DNAI7: variants seen among roughly 807,000 people sequenced by gnomAD.
DNAI7 encodes the protein cancer susceptibility 1.
A neutral mutation model predicts 86.6 loss-of-function variants in DNAI7; 78 were observed. That is an observed-to-expected ratio of 0.90 (90% CI 0.75 to 1.09). The LOEUF is 1.09. Among genes scored for constraint, DNAI7 ranks in the 50% least tolerant of loss-of-function variants. The pLI is 0.00. For missense variants in DNAI7, 753 were observed against 810.2 expected, an observed-to-expected ratio of 0.93 and a Z score of 0.86; for synonymous variants, 274 against 273.0, an observed-to-expected ratio of 1.00 and a Z score of -0.04.
chr12:25,191,165 C>A (rs566365152), intron 1 of DNAI7, among the ~76,000 whole-genome samples: 1 of 152,172 alleles, frequency 6.6e-6, no homozygotes, highest in South Asian at 2.1e-4. Context: ...CCTGTAATAG[C>A]ATTCGCGGAG....
intron 4 of DNAI7, among the ~76,000 whole-genome samples, chr12:25,157,749 A>G (rs559830843): frequency 6.6e-6 from 1 of 152,344 alleles, no homozygotes; most frequent in East Asian, 1.9e-4. Flanking sequence ...TCCTGAGACC[A>G]GAATATTTCA....
intron 8 of DNAI7, 51 bp downstream of exon 8, chr12:25,146,950 G>A: frequency 1.1e-6 from 1 of 928,288 alleles, no homozygotes; most frequent in South Asian, 1.3e-5. Context: ...TCATGATGTG[G>A]CTCAATGTCT....
intron 9 of DNAI7, among the ~76,000 whole-genome samples, chr12:25,136,437 C>G (rs954915879): frequency 6.6e-6 from 1 of 152,162 alleles, no homozygotes; most frequent in African/African-American, 2.4e-5. Flanking sequence ...TCTTTCCTCT[C>G]ATATAGTTTA....
chr12:25,157,835 G>T (rs1946367130), intron 4 of DNAI7, among the ~76,000 whole-genome samples: 1 of 85,454 alleles, frequency 1.2e-5, no homozygotes, highest in Non-Finnish European at 2.5e-5. Context: ...TGAATATTTT[G>T]AATTTTTTTT....
intron 2 of DNAI7, among the ~76,000 whole-genome samples, chr12:25,170,661 C>T (rs1464071048): frequency 1.3e-5 from 2 of 152,156 alleles, no homozygotes; most frequent in African/African-American, 4.8e-5. Context: ...TTCCATCCAA[C>T]AACTGCAGAA....
chr12:25,125,257 T>C (rs907008433), intron 9 of DNAI7, among the ~76,000 whole-genome samples: 2 of 152,226 alleles, frequency 1.3e-5, no homozygotes, highest in African/African-American at 2.4e-5. Flanking sequence ...GTGTTCCCTA[T>C]TCCCCGCAAC....
At chr12:25,109,070 G>A (rs1949542353) in intron 15 of DNAI7, among the ~76,000 whole-genome samples, 1 of 152,092 alleles carries the variant, frequency 6.6e-6, no homozygotes, top group African/African-American at 2.4e-5. Flanking sequence ...TCATGTGTGA[G>A]GTACTGTTCT....
intron 2 of DNAI7, among the ~76,000 whole-genome samples, chr12:25,170,311 A>G (rs1592600760): frequency 6.6e-6 from 1 of 151,998 alleles, no homozygotes. Flanking sequence ...GAATCACTTG[A>G]ACCCAGGAGG....
At chr12:25,147,569 A>G (rs773756991) in intron 7 of DNAI7, among the ~76,000 whole-genome samples, 3 of 152,064 alleles carry the variant, frequency 2.0e-5, no homozygotes, top group Non-Finnish European at 4.4e-5. Context: ...AGGTGGAAGT[A>G]TTGCTTGAGT....
intron 2 of DNAI7, chr12:25,185,685 C>T (rs1949962882): frequency 1.4e-5 from 9 of 627,584 alleles, no homozygotes; most frequent in Non-Finnish European, 1.8e-5. Flanking sequence ...TTTTAATGTC[C>T]TGAACTCAAT....
At chr12:25,115,524 T>C (rs1221189344) in intron 12 of DNAI7, among the ~76,000 whole-genome samples, 1 of 110,372 alleles carries the variant, frequency 9.1e-6, no homozygotes, top group Non-Finnish European at 2.1e-5. Context: ...GGTAAATGAT[T>C]TGAATAAACA....
At chr12:25,194,685 G>C (rs1195351070) in intron 1 of DNAI7, among the ~76,000 whole-genome samples, 1 of 152,152 alleles carries the variant, frequency 6.6e-6, no homozygotes, top group East Asian at 1.9e-4. Context: ...AGAGTAAATT[G>C]CATTAGCTTT....
At chr12:25,117,245 A>G (rs976644704) in intron 12 of DNAI7, among the ~76,000 whole-genome samples, 1 of 152,190 alleles carries the variant, frequency 6.6e-6, no homozygotes, top group Non-Finnish European at 1.5e-5. Context: ...ACTGTTTTTA[A>G]TACATAGACT....
chr12:25,169,978 G>A (rs947435458), intron 2 of DNAI7, among the ~76,000 whole-genome samples: 1 of 152,114 alleles, frequency 6.6e-6, no homozygotes, highest in Non-Finnish European at 1.5e-5. Context: ...GGGTGGAAAA[G>A]CATTTCATGC....
At position 25,123,280 on chromosome 12, in the gene DNAI7, CA is replaced by C. The variant is rs1187287694; in HGVS notation, c.1008del (p.Ala337LeufsTer8). The C allele has an allele frequency of 6.2e-7, 1 of 1,604,440 alleles. No homozygotes were observed. Among genetic ancestry groups the C allele is most frequent in the Non-Finnish European group, 8.5e-7 (1 of 1,175,756 alleles). The part of the protein sequence containing the change: ...EQGDIEVKMS[S>X]AEEESEAIKC... Reference sequence around the variant, plus strand: ...TTTATGGCTTCAGATTCTTCCTCAGCAGAACTCTATAAAAAACCACAGACAT... The same window carrying C: ...TTTATGGCTTCAGATTCTTCCTCAGCGAACTCTATAAAAAACCACAGACAT... On this transcript the variant is annotated frameshift_variant, in exon 10 of 16. Coordinates refer to ENST00000395987, the MANE Select transcript of DNAI7 (RefSeq NM_018272.5). LOFTEE classifies it high-confidence loss of function.
intron 9 of DNAI7, among the ~76,000 whole-genome samples, chr12:25,138,110 C>T (rs1191914067): frequency 6.6e-6 from 1 of 152,104 alleles, no homozygotes; most frequent in Non-Finnish European, 1.5e-5. Flanking sequence ...TATTCATCAG[C>T]TCAAGGAACA....
At chr12:25,134,023 C>T (rs1440718782) in intron 9 of DNAI7, among the ~76,000 whole-genome samples, 1 of 152,092 alleles carries the variant, frequency 6.6e-6, no homozygotes, top group African/African-American at 2.4e-5. Context: ...AAGACAGGGT[C>T]CCGCTCTCTT....
intron 2 of DNAI7, among the ~76,000 whole-genome samples, chr12:25,184,323 C>G (rs975799924): frequency 6.6e-6 from 1 of 152,168 alleles, no homozygotes; most frequent in East Asian, 1.9e-4. Flanking sequence ...AATCTACTTT[C>G]TGTCTCTGTA....
chr12:25,108,220 A>G, downstream of DNAI7: 1 of 732,072 alleles, frequency 1.4e-6, no homozygotes, highest in Non-Finnish European at 2.2e-6. Flanking sequence ...TATCTCCCCA[A>G]CTAAAATACA....
Sources: allele counts gnomAD v4.1 joint callset (sites outside exome capture counted in the v4.1 genomes callset), GRCh38; gene constraint gnomAD v4.1.1; transcripts MANE v1.5; gene names NCBI Gene and HGNC (gene_info 2026-07-23, HGNC 2026-07-21).